Variants in MTUS2 observed in about 807,000 individuals in gnomAD.
MTUS2 encodes the protein microtubule-associated tumor suppressor candidate 2.
MTUS2 carries 40 observed loss-of-function variants against 114.1 expected under a neutral mutation model. That is an observed-to-expected ratio of 0.35 (90% CI 0.27 to 0.46). The LOEUF is 0.46. MTUS2 is among the 20% of genes least tolerant of loss of function. MTUS2 has a pLI of 1.00. For synonymous variants in MTUS2, 688 were observed against 672.0 expected, an observed-to-expected ratio of 1.02 and a Z score of -0.37; for missense variants, 1,679 against 1,705.4, an observed-to-expected ratio of 0.98 and a Z score of 0.27.
At chr13:29,395,312 G>A (rs1409526564) in intron 8 of MTUS2, among the ~76,000 whole-genome samples, 1 of 152,152 alleles carries the variant, frequency 6.6e-6, no homozygotes, top group Non-Finnish European at 1.5e-5. Context: ...CCAGGTGAGA[G>A]CCCTGCTGCT....
At chr13:29,367,306 G>A (rs1870801997) in intron 8 of MTUS2, among the ~76,000 whole-genome samples, 1 of 152,152 alleles carries the variant, frequency 6.6e-6, no homozygotes, top group African/African-American at 2.4e-5. Flanking sequence ...AGAGAGCGGT[G>A]CAGTGTGGGG....
intron 2 of MTUS2, among the ~76,000 whole-genome samples, chr13:28,864,988 A>G (rs936705832): frequency 9.9e-5 from 15 of 152,188 alleles, no homozygotes; most frequent in African/African-American, 2.4e-4. Flanking sequence ...ATGAAACCAT[A>G]TTTGTACTTT....
chr13:29,156,320 A>G (rs1340085164), intron 5 of MTUS2, among the ~76,000 whole-genome samples: 1 of 152,194 alleles, frequency 6.6e-6, no homozygotes, highest in Non-Finnish European at 1.5e-5. Flanking sequence ...GTGTCAGTAT[A>G]GATCCAAACA....
At chr13:29,392,147 A>C (rs1328182728) in intron 8 of MTUS2, among the ~76,000 whole-genome samples, 44 of 1,814 alleles carry the variant, frequency 0.024, no homozygotes, top group Admixed American at 0.21. Flanking sequence ...AAAACAAACC[A>C]AAAAAAAAAA....
intron 9 of MTUS2, among the ~76,000 whole-genome samples, chr13:29,478,670 C>T (rs898774094): frequency 6.6e-6 from 1 of 152,112 alleles, no homozygotes; most frequent in Non-Finnish European, 1.5e-5. Flanking sequence ...TCTCTACCTA[C>T]AGCGCATCTC....
At chr13:28,904,530 T>C (rs1879860603) in intron 2 of MTUS2, among the ~76,000 whole-genome samples, 1 of 152,220 alleles carries the variant, frequency 6.6e-6, no homozygotes. Context: ...CCATTTCTTG[T>C]TTTTGTCAGG....
intron 6 of MTUS2, among the ~76,000 whole-genome samples, chr13:29,300,581 A>T (rs1385962693): frequency 6.6e-6 from 1 of 151,590 alleles, no homozygotes; most frequent in Non-Finnish European, 1.5e-5. Context: ...TTTTAATTAC[A>T]TGTCACTGTT....
chr13:29,028,149 G>A (rs1019463988), intron 3 of MTUS2, among the ~76,000 whole-genome samples: 5 of 146,584 alleles, frequency 3.4e-5, no homozygotes, highest in South Asian at 2.1e-4. Flanking sequence ...TCAGGAGATC[G>A]AGACCATCCT....
intron 9 of MTUS2, among the ~76,000 whole-genome samples, chr13:29,460,659 T>G (rs2138788129): frequency 6.6e-6 from 1 of 152,304 alleles, no homozygotes; most frequent in Middle Eastern, 3.4e-3. Context: ...TCTGTCGTGT[T>G]GAGAAATGTA....
chr13:29,280,891 T>A (rs1239334819), intron 5 of MTUS2, among the ~76,000 whole-genome samples: 5 of 152,196 alleles, frequency 3.3e-5, no homozygotes, highest in Non-Finnish European at 7.3e-5. Context: ...ACCACAAGGT[T>A]TAGAAAGATA....
chr13:29,313,388 A>G lies in MTUS2; in HGVS notation c.2807-11225A>G, dbSNP rs902570563. Reference sequence around the variant, plus strand: ...TTATTTATGGCTTGGGCAAAAAAGCACATTTACCAAGTTAGGGAAGCTAAA... The same window carrying G: ...TTATTTATGGCTTGGGCAAAAAAGCGCATTTACCAAGTTAGGGAAGCTAAA... On this transcript the variant is annotated intron_variant, in intron 6 of 15. Coordinates refer to ENST00000612955, the MANE Select transcript of MTUS2 (RefSeq NM_001033602.4). Among the ~76,000 whole-genome samples the G allele has an allele frequency of 2.0e-5, 3 of 152,350 alleles. No individual in the cohort carries two copies. The East Asian group carries it at 5.8e-4, about 29-fold the overall frequency.
Position 29,299,430 on chromosome 13 carries a change from T to G in MTUS2, c.2806+17565T>G, listed in dbSNP as rs189135149. On this transcript the variant is annotated intron_variant, in intron 6 of 15. Coordinates refer to ENST00000612955, the MANE Select transcript of MTUS2 (RefSeq NM_001033602.4). ...CTTTGTTAGATACCTGGGGAAATCA[T>G]GGTGAATAAGGTGGACACAGTCCTT... 9.6e-4 allele frequency among the ~76,000 whole-genome samples: 146 copies of G among 152,346 alleles called. 1 individual carries two copies. The highest frequency in any genetic ancestry group is 5.8e-3 in the South Asian group (28 of 4,824).
In MTUS2 at chr13:28,850,788, ATGGTG is replaced by A. The variant is rs1346666562; in HGVS notation, c.-243+10939_-243+10943del. Among the ~76,000 whole-genome samples, 3 of 152,150 alleles carry A rather than the reference ATGGTG, an allele frequency of 2.0e-5. No homozygotes were observed. The East Asian group carries it at 5.8e-4, about 29-fold the overall frequency. ...ACAGATATATTAAAATTAAAATCTC[ATGGTG>A]GGTATAAAATTTCATTATTATACCT... On this transcript the variant is annotated intron_variant, in intron 2 of 15. Transcript: ENST00000612955.
At chr13:28,845,812 A>T (rs1875839687) in intron 2 of MTUS2, among the ~76,000 whole-genome samples, 1 of 151,926 alleles carries the variant, frequency 6.6e-6, no homozygotes, top group Non-Finnish European at 1.5e-5. Context: ...GTGTGACTTT[A>T]CTTATGTTAC....
chr13:29,155,648 A>C (rs918543510), intron 5 of MTUS2, among the ~76,000 whole-genome samples: 4 of 152,170 alleles, frequency 2.6e-5, no homozygotes, highest in Non-Finnish European at 5.9e-5. Context: ...AAAATGTATG[A>C]TCTAGAGAGG....
chr13:29,478,277 A>G (rs935303787), intron 9 of MTUS2, among the ~76,000 whole-genome samples: 5 of 152,184 alleles, frequency 3.3e-5, no homozygotes, highest in Non-Finnish European at 4.4e-5. Flanking sequence ...GGGCAGCACT[A>G]TTGTAGCAAT....
intron 2 of MTUS2, among the ~76,000 whole-genome samples, chr13:28,948,719 C>T (rs923082079): frequency 2.6e-5 from 4 of 152,128 alleles, no homozygotes; most frequent in Non-Finnish European, 5.9e-5. Flanking sequence ...TGGTAATGTT[C>T]GCATTGCTTG....
intron 8 of MTUS2, among the ~76,000 whole-genome samples, chr13:29,437,371 T>C (rs977104907): frequency 1.3e-5 from 2 of 152,192 alleles, no homozygotes; most frequent in African/African-American, 4.8e-5. Context: ...AGAATATGAG[T>C]ATTCAGAACT....
intron 2 of MTUS2, among the ~76,000 whole-genome samples, chr13:29,008,681 G>A (rs1361945471): frequency 1.3e-5 from 2 of 152,094 alleles, no homozygotes; most frequent in African/African-American, 2.4e-5. Flanking sequence ...CCAAATACTC[G>A]CTTTTACTGT....
Sources: allele counts gnomAD v4.1 joint callset (sites outside exome capture counted in the v4.1 genomes callset), GRCh38; gene constraint gnomAD v4.1.1; transcripts MANE v1.5; gene names NCBI Gene and HGNC (gene_info 2026-07-23, HGNC 2026-07-21).